Variants in TTC28 observed in about 807,000 individuals in gnomAD.
The protein encoded by TTC28 is tetratricopeptide repeat domain 28, also known as tetratricopeptide repeat protein 28.
Under a neutral mutation model 198.0 loss-of-function variants are expected in TTC28, and 61 were observed. The observed-to-expected ratio is 0.31, with a 90% confidence interval of 0.25 to 0.38. The LOEUF is 0.38. Among genes scored for constraint, TTC28 ranks in the 10% least tolerant of loss-of-function variants. The pLI, the probability that TTC28 is intolerant of heterozygous loss-of-function variation, is 1.00. For synonymous variants in TTC28, 1,171 were observed against 1,297.8 expected (o/e 0.90, Z 2.10); for missense variants, 2,678 against 3,164.0 (o/e 0.85, Z 3.69).
Position 27,983,658 on chromosome 22 carries a change from G to A in TTC28, c.6009C>T (p.Ser2003=). The change falls in exon 23 of 23, where the codon AGC becomes AGT. Residue 2003 remains serine, a synonymous_variant. Coordinates refer to ENST00000397906, the MANE Select transcript of TTC28 (RefSeq NM_001145418.2). ...ATCCACCCTCGGGTTTGGAGACAAA[G>A]CTCATTGAGGAGGCAATGGAGCTCA... ...YSLSSIASSM[S]FVSKPEGGSE... is the part of the protein sequence containing the mutation. The A allele has an allele frequency of 6.5e-7, 1 of 1,545,248 alleles. No individual in the cohort carries two copies. Among genetic ancestry groups the A allele is most frequent in the Non-Finnish European group, 8.7e-7 (1 of 1,144,070 alleles).
At chr22:28,311,413 T>C (rs894230365) in intron 2 of TTC28, among the ~76,000 whole-genome samples, 1 of 152,188 alleles carries the variant, frequency 6.6e-6, no homozygotes, top group Admixed American at 6.5e-5. Context: ...TATCACTGTA[T>C]GTATACAAAA....
rs1328339452 is a variant in TTC28 at position 28,072,552 on chromosome 22, G to A, written c.3932+21528C>T. On this transcript the variant is annotated intron_variant, in intron 12 of 22. Coordinates refer to ENST00000397906, the MANE Select transcript of TTC28 (RefSeq NM_001145418.2). ...TCCTGGTCAGGAGGCAGAGAAAGTG[G>A]GCAAACATGGGTGGGTCAGCTCCAC... is the stretch of plus-strand genomic sequence containing the variant. Among the ~76,000 whole-genome samples, 3 of 152,210 alleles carry A rather than the reference G, an allele frequency of 2.0e-5. No homozygotes were observed. In the East Asian group the frequency reaches 5.8e-4, roughly 29 times the overall value.
chr22:28,288,728 G>C (rs1447216148), intron 5 of TTC28, among the ~76,000 whole-genome samples: 2 of 151,200 alleles, frequency 1.3e-5, no homozygotes, highest in Non-Finnish European at 2.9e-5. Flanking sequence ...CAGGAGAGTG[G>C]CTTGAACCCA....
chr22:28,560,313 C>G (rs2049848144), intron 2 of TTC28, among the ~76,000 whole-genome samples: 1 of 152,230 alleles, frequency 6.6e-6, no homozygotes, highest in Non-Finnish European at 1.5e-5. Flanking sequence ...CTTCCTGCTT[C>G]TAGCCTTACC....
chr22:28,506,418 C>T (rs938392449), intron 2 of TTC28, among the ~76,000 whole-genome samples: 1 of 152,154 alleles, frequency 6.6e-6, no homozygotes, highest in East Asian at 1.9e-4. Context: ...CTCCCTGGGA[C>T]AGAGCTCCCG....
intron 15 of TTC28, 97 bp downstream of exon 15, chr22:28,001,277 G>C: frequency 7.1e-7 from 1 of 1,407,022 alleles, no homozygotes. Flanking sequence ...GGAGATCACA[G>C]CTATGCCTTC....
At chr22:28,557,277 C>T (rs1569023956) in intron 2 of TTC28, among the ~76,000 whole-genome samples, 1 of 152,150 alleles carries the variant, frequency 6.6e-6, no homozygotes, top group Non-Finnish European at 1.5e-5. Context: ...TCTTGTCTTG[C>T]TTTCTGGGAT....
intron 5 of TTC28, among the ~76,000 whole-genome samples, chr22:28,218,108 G>A (rs910925941): frequency 1.3e-5 from 2 of 152,144 alleles, no homozygotes; most frequent in African/African-American, 4.8e-5. Flanking sequence ...AACTTGACAC[G>A]TGCTTTTTTA....
At position 27,983,160 on chromosome 22, in the gene TTC28, C is replaced by T; in HGVS notation, c.6507G>A (p.Glu2169=). 1.3e-6 allele frequency: 2 copies of T among 1,551,830 alleles called. No individual in the cohort carries two copies. The highest frequency in any genetic ancestry group is 1.7e-6 in the Non-Finnish European group (2 of 1,147,018). Residue 2169 remains glutamate (E), a synonymous_variant, in exon 23 of 23, where the codon GAG becomes GAA. Coordinates refer to ENST00000397906, the MANE Select transcript of TTC28 (RefSeq NM_001145418.2). ...CCACCGCAATGAGATGACTCTGTGT[C>T]TCCTCCAGAATTTTCTGGGCTAACT... is the stretch of plus-strand genomic sequence containing the variant. ...PQELAQKILE[E]TQSHLIAVER...
intron 19 of TTC28, among the ~76,000 whole-genome samples, chr22:27,991,196 C>A (rs1162671331): frequency 2.6e-5 from 4 of 152,232 alleles, no homozygotes; most frequent in Non-Finnish European, 5.9e-5. Flanking sequence ...CGGGACATGT[C>A]CCTAGGGCCC....
At chr22:28,674,791 C>A (rs2051953420) in intron 1 of TTC28, among the ~76,000 whole-genome samples, 1 of 147,260 alleles carries the variant, frequency 6.8e-6, no homozygotes, top group South Asian at 2.2e-4. Context: ...TGCACTCCAG[C>A]CTGGGCGATG....
At chr22:28,392,264 C>A (rs1299686355) in intron 2 of TTC28, among the ~76,000 whole-genome samples, 3 of 152,120 alleles carry the variant, frequency 2.0e-5, no homozygotes, top group Non-Finnish European at 4.4e-5. Context: ...ACAGGGACAT[C>A]TAAGTCTGCA....
chr22:28,018,425 G>T (rs1601522203), intron 13 of TTC28, among the ~76,000 whole-genome samples: 1 of 152,262 alleles, frequency 6.6e-6, no homozygotes, highest in Non-Finnish European at 1.5e-5. Flanking sequence ...CTGCAACCGT[G>T]ATTTGAGGTC....
intron 5 of TTC28, among the ~76,000 whole-genome samples, chr22:28,169,445 G>A (rs1281249900): frequency 2.0e-5 from 3 of 152,124 alleles, no homozygotes; most frequent in Non-Finnish European, 4.4e-5. Flanking sequence ...TGATAGACTG[G>A]ATTAAGAAAA....
At chr22:28,109,557 A>G (rs1192567410) in intron 6 of TTC28, among the ~76,000 whole-genome samples, 1 of 152,254 alleles carries the variant, frequency 6.6e-6, no homozygotes, top group African/African-American at 2.4e-5. Flanking sequence ...CTCATGAACC[A>G]TATTATAGCT....
At chr22:28,633,973 C>T (rs1173917825) in intron 1 of TTC28, among the ~76,000 whole-genome samples, 1 of 152,038 alleles carries the variant, frequency 6.6e-6, no homozygotes, top group Non-Finnish European at 1.5e-5. Context: ...TTACTAAGGC[C>T]TCTAAGAGCA....
chr22:28,601,868 T>TA (rs1302138985), intron 2 of TTC28, among the ~76,000 whole-genome samples: 10 of 151,888 alleles, frequency 6.6e-5, no homozygotes, highest in Non-Finnish European at 1.5e-4. Flanking sequence ...TGCTGACTGT[T>TA]ATATGTGAAA....
At chr22:28,596,501 T>C (rs1200635062) in intron 2 of TTC28, among the ~76,000 whole-genome samples, 2 of 152,208 alleles carry the variant, frequency 1.3e-5, no homozygotes, top group Non-Finnish European at 2.9e-5. Flanking sequence ...AAAAGGAAAA[T>C]TAATACTTAG....
intron 2 of TTC28, among the ~76,000 whole-genome samples, chr22:28,541,936 A>C (rs2049421416): frequency 6.6e-6 from 1 of 152,118 alleles, no homozygotes; most frequent in African/African-American, 2.4e-5. Flanking sequence ...AGGTCTTTCA[A>C]AAATCAGCTG....
Sources: gnomAD v4.1 joint callset for allele counts (sites outside exome capture counted in the v4.1 genomes callset) on GRCh38, gnomAD v4.1.1 for gene constraint, MANE v1.5 for transcripts, NCBI Gene and HGNC (gene_info 2026-07-23, HGNC 2026-07-21) for gene names.